Variants in HACD2 observed in about 807,000 individuals in gnomAD.
HACD2 encodes the protein very-long-chain (3R)-3-hydroxyacyl-CoA dehydratase 2.
In HACD2, 15 loss-of-function variants were observed where a neutral mutation model predicts 31.0. The ratio of observed to expected loss-of-function variants is 0.48; its 90% CI spans 0.32 to 0.75. The LOEUF (loss-of-function observed/expected upper bound fraction) is 0.75. HACD2 is among the 30% of genes least tolerant of loss of function. HACD2 has a pLI of 0.03. For synonymous variants in HACD2, 115 were observed against 122.2 expected (o/e 0.94, Z 0.39); for missense variants, 283 against 313.0 (o/e 0.90, Z 0.72).
intron 3 of HACD2, among the ~76,000 whole-genome samples, chr3:123,560,078 G>A (rs1008958556): frequency 1.3e-5 from 2 of 152,156 alleles, no homozygotes; most frequent in African/African-American, 4.8e-5. Context: ...CAAAATTATG[G>A]AGGTGTGAAA....
Position 123,582,324 on chromosome 3 carries a change from A to C in HACD2, c.161T>G (p.Leu54Arg). 1 of 1,573,476 alleles carries C rather than the reference A, an allele frequency of 6.4e-7. No homozygotes were observed. The highest frequency in any genetic ancestry group is 8.6e-7 in the Non-Finnish European group (1 of 1,163,004). ...TCGGACCAGACCAACCGCTATAACC[A>C]GCCACCTAGTAAAAGAGAAAACAGC... ...IYNVVMTAGWLVIAVGLVRAY... is the reference protein window; with the variant it reads ...IYNVVMTAGWRVIAVGLVRAY... The change falls in exon 2 of 7, where the codon CTG becomes CGG. Residue 54 changes from leucine (L) to arginine (R), a missense_variant. By Grantham distance (102) the Leu-to-Arg change is moderately radical (BLOSUM62 -2). Coordinates refer to ENST00000383657, the MANE Select transcript of HACD2 (RefSeq NM_198402.5).
intron 4 of HACD2, among the ~76,000 whole-genome samples, chr3:123,526,027 G>T (rs990467589): frequency 6.6e-6 from 1 of 152,150 alleles, no homozygotes; most frequent in Non-Finnish European, 1.5e-5. Context: ...AGGGTCCAGG[G>T]AACAGTTGAC....
At chr3:123,532,086 T>C (rs2056369078) in intron 3 of HACD2, among the ~76,000 whole-genome samples, 1 of 152,210 alleles carries the variant, frequency 6.6e-6, no homozygotes, top group Non-Finnish European at 1.5e-5. Flanking sequence ...CCACCAGCAA[T>C]ATACAAAAGT....
chr3:123,540,093 AAAAAG>A (rs539238686), intron 3 of HACD2, among the ~76,000 whole-genome samples: 2 of 151,174 alleles, frequency 1.3e-5, no homozygotes, highest in African/African-American at 4.9e-5. Context: ...AAAAAAAAAA[AAAAAG>A]AAAAGAAAAG....
intron 3 of HACD2, among the ~76,000 whole-genome samples, chr3:123,553,153 G>A (rs903625433): frequency 6.6e-6 from 1 of 152,162 alleles, no homozygotes; most frequent in Non-Finnish European, 1.5e-5. Context: ...GCTCAATTGA[G>A]GCATGTCCTA....
At position 123,567,764 on chromosome 3, in the gene HACD2, A is replaced by G. The variant is rs776818290; in HGVS notation, c.290T>C (p.Ile97Thr). Residue 97 changes from isoleucine (I) to threonine (T), a missense_variant and splice_region_variant, in exon 3 of 7, where the codon ATA becomes ACA. Transcript: ENST00000383657. ...TAGGGGGGAATATCCATACTTACCT[A>G]TAGCACAATGTAAAATCTAGAGGAA... Reference protein sequence around the residue: ...GALLEILHCAIGIVPSSVVLT... With the variant: ...GALLEILHCATGIVPSSVVLT... The G allele has an allele frequency of 4.7e-6, 7 of 1,499,914 alleles. No individual in the cohort carries two copies. In the East Asian group the frequency reaches 1.2e-4, roughly 26 times the overall value. The allele number at this position is 1,499,914 out of a possible 1,614,324, so 92.9% of individuals were successfully genotyped here.
intron 4 of HACD2, among the ~76,000 whole-genome samples, chr3:123,520,723 A>C (rs182822501): frequency 7.9e-5 from 12 of 152,356 alleles, no homozygotes; most frequent in Admixed American, 4.6e-4. Context: ...GAATCCATGG[A>C]TTAAAACTGG....
Position 123,512,883 on chromosome 3 carries a change from G to T in HACD2, c.382-10202C>A, listed in dbSNP as rs143994832. Among the ~76,000 whole-genome samples, 35 of 152,268 alleles carry T rather than the reference G, an allele frequency of 2.3e-4. No homozygotes were observed. The East Asian group carries it at 6.2e-3, about 27-fold the overall frequency. Reference sequence around the variant, plus strand: ...TATGTACCCAAGCTTTCTCTACTGAGAGGGTCTAGAAGCAATGACATCTCA... The same window carrying T: ...TATGTACCCAAGCTTTCTCTACTGATAGGGTCTAGAAGCAATGACATCTCA... On this transcript the variant is annotated intron_variant, in intron 4 of 6. Transcript: ENST00000383657.
At chr3:123,510,652 C>T (rs1219484566) in intron 4 of HACD2, among the ~76,000 whole-genome samples, 3 of 152,198 alleles carry the variant, frequency 2.0e-5, no homozygotes, top group Non-Finnish European at 4.4e-5. Context: ...GTATATACTA[C>T]ATTTTATCAT....
chr3:123,560,377 G>A lies in HACD2; in HGVS notation c.292+7385C>T, dbSNP rs73857669. ...TACTGTATTTGAATAAATGACAAAG[G>A]CAGAATTAATTGCAAAGGAGGGGAA... On this transcript the variant is annotated intron_variant, in intron 3 of 6. Coordinates refer to ENST00000383657, the MANE Select transcript of HACD2 (RefSeq NM_198402.5). Among the ~76,000 whole-genome samples, 910 of 152,258 alleles carry A rather than the reference G, an allele frequency of 6.0e-3. 9 individuals are homozygous for A. Among genetic ancestry groups the A allele is most frequent in the African/African-American group, 0.021 (884 of 41,536 alleles).
chr3:123,522,348 A>AAGAG (rs940313046), intron 4 of HACD2, among the ~76,000 whole-genome samples: 4 of 149,890 alleles, frequency 2.7e-5, no homozygotes, highest in African/African-American at 9.8e-5. Flanking sequence ...AAAAAAAAAA[A>AAGAG]AGAGAGAGAG....
intron 3 of HACD2, among the ~76,000 whole-genome samples, chr3:123,531,602 C>T (rs1027897024): frequency 7.2e-5 from 11 of 152,198 alleles, no homozygotes; most frequent in Non-Finnish European, 1.6e-4. Context: ...TGAGCCACCA[C>T]ACCTGGTCAA....
rs2055800472 is a variant in HACD2, at chr3:123,494,008, G to T, written c.*880C>A. 1 of 152,158 alleles carries T rather than the reference G, an allele frequency of 6.6e-6. No individual in the cohort carries two copies. The highest frequency in any genetic ancestry group is 2.4e-5 in the African/African-American group (1 of 41,422). The allele number at this position is 152,158 out of a possible 1,614,324, so 9.4% of individuals were successfully genotyped here. On this transcript the variant is annotated 3_prime_UTR_variant, in exon 7 of 7. Transcript: ENST00000383657. ...CACAGCCTCCTTTCCTATGTGACTG[G>T]ATCCGCTTCTTCAGGGCCATCAGTG...
chr3:123,582,123 A>C (rs1398187774), intron 2 of HACD2, 89 bp downstream of exon 2: 1 of 799,538 alleles, frequency 1.3e-6, no homozygotes, highest in African/African-American at 1.8e-5. Flanking sequence ...CATGAATCCA[A>C]AGGGGGTATG....
At chr3:123,571,568 C>T (rs72968539) in intron 2 of HACD2, among the ~76,000 whole-genome samples, 10,958 of 152,150 alleles carry the variant, frequency 0.072, 1,290 homozygotes, top group African/African-American at 0.25. Flanking sequence ...AACCTCCTAC[C>T]GACAGCTAGC....
intron 3 of HACD2, among the ~76,000 whole-genome samples, chr3:123,540,795 A>C (rs973800387): frequency 1.3e-5 from 2 of 152,168 alleles, no homozygotes; most frequent in African/African-American, 2.4e-5. Context: ...GGCCGAACAA[A>C]ATTGAACTTT....
Position 123,492,775 on chromosome 3 carries a change from A to G in HACD2, c.*2113T>C, listed in dbSNP as rs1250593478. The G allele has an allele frequency of 6.6e-6, 1 of 152,254 alleles. No homozygotes were observed. Among genetic ancestry groups the G allele is most frequent in the African/African-American group, 2.4e-5 (1 of 41,468 alleles). The allele number at this position is 152,254 out of a possible 1,614,324, so 9.4% of individuals were successfully genotyped here. ...GATTTCTAGAATTTTTCCAAAAACAACTGAAAAAATCTAACAGAACAAAGT... is the reference window on the plus strand; with the variant it reads ...GATTTCTAGAATTTTTCCAAAAACAGCTGAAAAAATCTAACAGAACAAAGT... On this transcript the variant is annotated 3_prime_UTR_variant, in exon 7 of 7. Coordinates refer to ENST00000383657, the MANE Select transcript of HACD2 (RefSeq NM_198402.5).
chr3:123,522,077 A>G (rs2056222683), intron 4 of HACD2, among the ~76,000 whole-genome samples: 1 of 152,090 alleles, frequency 6.6e-6, no homozygotes, highest in Non-Finnish European at 1.5e-5. Context: ...AGGCCGAGGC[A>G]GGAGGATTGT....
intron 2 of HACD2, among the ~76,000 whole-genome samples, chr3:123,575,176 C>T (rs1260518670): frequency 6.6e-6 from 1 of 151,674 alleles, no homozygotes; most frequent in Non-Finnish European, 1.5e-5. Flanking sequence ...GTGGAGTGAC[C>T]ATAACTTACT....
Sources: gnomAD v4.1 joint callset for allele counts (sites outside exome capture counted in the v4.1 genomes callset) on GRCh38, gnomAD v4.1.1 for gene constraint, MANE v1.5 for transcripts, NCBI Gene and HGNC (gene_info 2026-07-23, HGNC 2026-07-21) for gene names.